GHR: variants seen among roughly 807,000 people sequenced by gnomAD.
The protein encoded by GHR is growth hormone receptor.
Under a neutral mutation model 67.1 loss-of-function variants are expected in GHR, and 35 were observed. That is an observed-to-expected ratio of 0.52 (90% CI 0.40 to 0.69). GHR has a LOEUF of 0.69. GHR is among the 30% of genes least tolerant of loss of function. GHR has a pLI of 0.00. For missense variants in GHR, 792 were observed against 764.6 expected, an observed-to-expected ratio of 1.04 and a Z score of -0.42; for synonymous variants, 272 against 269.1, an observed-to-expected ratio of 1.01 and a Z score of -0.10.
At chr5:42,655,633 T>C (rs1002337207) in intron 3 of GHR, among the ~76,000 whole-genome samples, 2 of 152,150 alleles carry the variant, frequency 1.3e-5, no homozygotes, top group African/African-American at 4.8e-5. Context: ...TATATATATG[T>C]ACAAGGTTCT....
At chr5:42,632,026 TG>T (rs1480957141) in intron 3 of GHR, among the ~76,000 whole-genome samples, 1 of 152,072 alleles carries the variant, frequency 6.6e-6, no homozygotes, top group Non-Finnish European at 1.5e-5. Context: ...TTCCACCCCC[TG>T]CCCCATCTCT....
In GHR at chr5:42,711,211, A is replaced by G. The variant is rs1758440060; in HGVS notation, c.623A>G (p.Asp208Gly). ...GTTTATATTTTGTCTTGAAAGATGG[A>G]CCCTATATTGACAACATCAGTTCCA... ...EVNETKWKMM[D>G]PILTTSVPVY... Residue 208 changes from aspartate (D) to glycine (G), a missense_variant, in exon 7 of 10, where the codon GAC becomes GGC. By Grantham distance (94) the Asp-to-Gly change is moderately conservative. Coordinates refer to ENST00000230882, the MANE Select transcript of GHR (RefSeq NM_000163.5). 1.2e-6 allele frequency: 2 copies of G among 1,612,246 alleles called. No individual in the cohort carries two copies. The highest frequency in any genetic ancestry group is 3.3e-5 in the Admixed American group (2 of 59,980).
intron 2 of GHR, among the ~76,000 whole-genome samples, chr5:42,568,640 C>G (rs969418393): frequency 3.3e-5 from 5 of 152,064 alleles, no homozygotes; most frequent in African/African-American, 7.2e-5. Flanking sequence ...TTGAATATAC[C>G]CTTTGACCTC....
chr5:42,529,047 T>C (rs1747836969), intron 1 of GHR, among the ~76,000 whole-genome samples: 2 of 151,578 alleles, frequency 1.3e-5, no homozygotes, highest in South Asian at 4.2e-4. Flanking sequence ...AGTCTTGCTC[T>C]GTAGCCCAGT....
chr5:42,537,055 A>G (rs1353610128), intron 1 of GHR, among the ~76,000 whole-genome samples: 2 of 151,796 alleles, frequency 1.3e-5, no homozygotes, highest in Non-Finnish European at 2.9e-5. Context: ...TCTCTCTTCT[A>G]TTCTTGGTTA....
chr5:42,583,029 G>A (rs1336749620), intron 2 of GHR, among the ~76,000 whole-genome samples: 1 of 151,460 alleles, frequency 6.6e-6, no homozygotes, highest in Non-Finnish European at 1.5e-5. Context: ...CTACCAGGCC[G>A]TTGGCAGAAC....
chr5:42,516,528 C>T (rs1382283066), intron 1 of GHR, among the ~76,000 whole-genome samples: 6 of 151,728 alleles, frequency 4.0e-5, no homozygotes, highest in African/African-American at 1.5e-4. Context: ...TGTGTGGCTC[C>T]GGTAAGATAA....
intron 1 of GHR, among the ~76,000 whole-genome samples, chr5:42,564,324 A>C (rs1037956440): frequency 1.2e-5 from 1 of 86,866 alleles, no homozygotes; most frequent in African/African-American, 4.9e-5. Context: ...AAATCTCACA[A>C]TGTGTGAGAT....
chr5:42,635,621 A>G (rs1056870647), intron 3 of GHR, among the ~76,000 whole-genome samples: 2 of 152,228 alleles, frequency 1.3e-5, no homozygotes, highest in Non-Finnish European at 2.9e-5. Flanking sequence ...TTGAGAGGTA[A>G]GAATTTTTTG....
chr5:42,676,512 C>G (rs906632167), intron 3 of GHR, among the ~76,000 whole-genome samples: 11 of 152,016 alleles, frequency 7.2e-5, no homozygotes, highest in African/African-American at 1.4e-4. Context: ...TTATTTAAAG[C>G]CTTCCTGCCA....
chr5:42,516,599 G>A lies in GHR; in HGVS notation c.-11-49265G>A, dbSNP rs569777820. ...GAGAGAAAGTAGGGAAGAGACAATA[G>A]AGGAAAGAGGACAAGGAAGTGGGAG... is the stretch of plus-strand genomic sequence containing the variant. On this transcript the variant is annotated intron_variant, in intron 1 of 9. Coordinates refer to ENST00000230882, the MANE Select transcript of GHR (RefSeq NM_000163.5). Among the ~76,000 whole-genome samples the A allele has an allele frequency of 3.3e-5, 5 of 152,310 alleles. No individual in the cohort carries two copies. The South Asian group carries it at 8.3e-4, about 25-fold the overall frequency.
At chr5:42,637,794 A>T (rs1754275366) in intron 3 of GHR, among the ~76,000 whole-genome samples, 1 of 152,048 alleles carries the variant, frequency 6.6e-6, no homozygotes, top group African/African-American at 2.4e-5. Flanking sequence ...TTGTAGAATG[A>T]TTTATTTTTC....
chr5:42,508,999 T>C (rs983913294), intron 1 of GHR, among the ~76,000 whole-genome samples: 4 of 152,240 alleles, frequency 2.6e-5, no homozygotes, highest in African/African-American at 9.6e-5. Context: ...TATTTGCTAC[T>C]TGGTAAATAA....
intron 1 of GHR, among the ~76,000 whole-genome samples, chr5:42,504,499 G>T (rs575463599): frequency 6.6e-6 from 1 of 152,128 alleles, no homozygotes; most frequent in East Asian, 1.9e-4. Context: ...CGTGGCTCAC[G>T]CCTGTAATCC....
intron 6 of GHR, among the ~76,000 whole-genome samples, chr5:42,703,064 A>G: frequency 6.6e-6 from 1 of 151,988 alleles, no homozygotes; most frequent in East Asian, 1.9e-4. Context: ...AGTTTCATGT[A>G]ATCCCGTTTA....
At chr5:42,628,088 A>G (rs1272187127) in intron 2 of GHR, among the ~76,000 whole-genome samples, 2 of 152,026 alleles carry the variant, frequency 1.3e-5, no homozygotes, top group Non-Finnish European at 2.9e-5. Context: ...CAGCGTCCAG[A>G]TGTTCCTCTT....
intron 1 of GHR, among the ~76,000 whole-genome samples, chr5:42,462,588 A>C (rs1321430498): frequency 1.3e-5 from 2 of 152,174 alleles, no homozygotes; most frequent in African/African-American, 2.4e-5. Flanking sequence ...TACCTTATAT[A>C]AACATAAGGT....
At chr5:42,474,301 GAA>G (rs754953126) in intron 1 of GHR, among the ~76,000 whole-genome samples, 60 of 137,856 alleles carry the variant, frequency 4.4e-4, no homozygotes, top group Admixed American at 1.2e-3. Context: ...GAAAGAGAAA[GAA>G]AGAAAGAAAG....
At position 42,485,383 on chromosome 5, in the gene GHR, C is replaced by T. The variant is rs567208398; in HGVS notation, c.-12+61428C>T. Among the ~76,000 whole-genome samples the T allele has an allele frequency of 9.2e-5, 14 of 152,264 alleles. No individual in the cohort carries two copies. In the East Asian group the frequency reaches 2.7e-3, roughly 29 times the overall value. ...CCTCACTGCTCTCTAAGCATTAATA[C>T]CCCCATCATAGCCTTCATCATAATA... On this transcript the variant is annotated intron_variant, in intron 1 of 9. Coordinates refer to ENST00000230882, the MANE Select transcript of GHR (RefSeq NM_000163.5).
Sources: gnomAD v4.1 joint callset for allele counts (sites outside exome capture counted in the v4.1 genomes callset) on GRCh38, gnomAD v4.1.1 for gene constraint, MANE v1.5 for transcripts, NCBI Gene and HGNC (gene_info 2026-07-23, HGNC 2026-07-21) for gene names.